LONRF1: variants seen among roughly 807,000 people sequenced by gnomAD.
The protein encoded by LONRF1 is LON peptidase N-terminal domain and ring finger 1, also known as LON peptidase N-terminal domain and RING finger protein 1.
LONRF1 carries 37 observed loss-of-function variants against 85.8 expected under a neutral mutation model. The ratio of observed to expected loss-of-function variants is 0.43; its 90% CI spans 0.33 to 0.57. LONRF1 has a LOEUF of 0.57. Ranked by LOEUF, LONRF1 falls within the 20% of genes least tolerant of loss-of-function variation. LONRF1 has a pLI of 0.04. For missense variants in LONRF1, 1,036 were observed against 978.0 expected (o/e 1.06, Z -0.79); for synonymous variants, 517 against 390.1 (o/e 1.33, Z -3.83).
At chr8:12,742,575 G>A (rs1798979292) in intron 2 of LONRF1, among the ~76,000 whole-genome samples, 1 of 152,058 alleles carries the variant, frequency 6.6e-6, no homozygotes, top group Non-Finnish European at 1.5e-5. Flanking sequence ...AGTCCAGTTT[G>A]TATCCATCTT....
rs1798739214 is a variant in LONRF1, at chr8:12,736,912, T to C, written c.1342A>G (p.Lys448Glu). Residue 448 changes from lysine to glutamate, a missense_variant, in exon 5 of 12, where the codon AAA (lysine) becomes GAA (glutamate). By Grantham distance (56) the Lys-to-Glu change is moderately conservative (BLOSUM62 1). Coordinates refer to ENST00000398246, the MANE Select transcript of LONRF1 (RefSeq NM_152271.5). ...GCAAAATTTTTACCTCCTTGTTTTT[T>C]CAGCTTATTTCTTCCATCTTCATTT... ...IVNEDGRNKLKKQGETPNEVC... is the reference protein window; with the variant it reads ...IVNEDGRNKLEKQGETPNEVC... 1 of 1,607,544 alleles carries C rather than the reference T, an allele frequency of 6.2e-7. No individual in the cohort carries two copies.
At chr8:12,751,432 T>C (rs1404606371) in intron 1 of LONRF1, among the ~76,000 whole-genome samples, 4 of 149,784 alleles carry the variant, frequency 2.7e-5, no homozygotes, top group Non-Finnish European at 4.4e-5. Context: ...GCCTCTGGAG[T>C]AGCGGGAACT....
chr8:12,753,275 G>A (rs866068426), intron 1 of LONRF1: 1 of 152,162 alleles, frequency 6.6e-6, no homozygotes, highest in East Asian at 1.9e-4. Flanking sequence ...AGTTCAATAT[G>A]ACTAAGCACT....
Position 12,754,689 on chromosome 8 carries a change from C to G in LONRF1, c.721+11G>C. On this transcript the variant is annotated intron_variant, in intron 1 of 11. Coordinates refer to ENST00000398246, the MANE Select transcript of LONRF1 (RefSeq NM_152271.5). ...GGTCGGCCCGGCCCCGCCGCATCCC[C>G]GCGCGGTCACCTGCTCGCAGCGCCT... The G allele has an allele frequency of 7.5e-7, 1 of 1,339,900 alleles. No individual in the cohort carries two copies. Among genetic ancestry groups the G allele is most frequent in the Non-Finnish European group, 9.5e-7 (1 of 1,055,606 alleles). 83.0% of individuals were successfully genotyped at this position (1,339,900 alleles called of 1,614,324 possible).
intron 3 of LONRF1, 97 bp downstream of exon 3, chr8:12,740,777 T>C (rs1798902240): frequency 7.0e-7 from 1 of 1,421,034 alleles, no homozygotes; most frequent in African/African-American, 1.4e-5. Context: ...ATTTATTTAC[T>C]ACTTATGTTC....
At chr8:12,728,753 A>C (rs1563136419) in intron 10 of LONRF1, 148 bp downstream of exon 10, 9 of 801,212 alleles carry the variant, frequency 1.1e-5, no homozygotes, top group Non-Finnish European at 1.8e-5. Flanking sequence ...CAAGATACGA[A>C]AAAGGTAACT....
chr8:12,726,634 T>C (rs1474723885), intron 10 of LONRF1, among the ~76,000 whole-genome samples: 1 of 152,208 alleles, frequency 6.6e-6, no homozygotes, highest in Non-Finnish European at 1.5e-5. Flanking sequence ...ATCCATCTTA[T>C]ACTGATTTCT....
chr8:12,727,587 G>GTA (rs1798368274), intron 10 of LONRF1, among the ~76,000 whole-genome samples: 1 of 152,034 alleles, frequency 6.6e-6, no homozygotes, highest in Non-Finnish European at 1.5e-5. Flanking sequence ...ATGTTTGTAA[G>GTA]TATTAATACA....
At chr8:12,754,562 G>C in intron 1 of LONRF1, 138 bp downstream of exon 1, 8 of 842,012 alleles carry the variant, frequency 9.5e-6, no homozygotes, top group East Asian at 1.1e-4. Flanking sequence ...CCAGCACCCC[G>C]AGACCCGACA....
At chr8:12,742,466 T>C (rs1798974217) in intron 2 of LONRF1, among the ~76,000 whole-genome samples, 1 of 152,218 alleles carries the variant, frequency 6.6e-6, no homozygotes, top group Non-Finnish European at 1.5e-5. Context: ...ATCTTCTGAA[T>C]TAAATCACTG....
chr8:12,729,145 A>G, intron 9 of LONRF1, 29 bp downstream of exon 9: 2 of 1,613,218 alleles, frequency 1.2e-6, no homozygotes, highest in Non-Finnish European at 1.7e-6. Context: ...TAACATAAAT[A>G]CAAATATTTA....
At chr8:12,731,590 A>T in intron 8 of LONRF1, 146 bp downstream of exon 8, 1 of 628,670 alleles carries the variant, frequency 1.6e-6, no homozygotes, top group South Asian at 2.6e-5. Context: ...CTTTTATAAG[A>T]TTCTGTCTGT....
At chr8:12,730,556 G>C (rs994981127) in intron 8 of LONRF1, among the ~76,000 whole-genome samples, 2 of 152,046 alleles carry the variant, frequency 1.3e-5, no homozygotes, top group South Asian at 4.2e-4. Context: ...CTCTCTGTGT[G>C]TCTCCCTCCT....
intron 11 of LONRF1, among the ~76,000 whole-genome samples, chr8:12,725,053 T>A (rs1798235076): frequency 6.6e-6 from 1 of 152,232 alleles, no homozygotes; most frequent in Admixed American, 6.5e-5. Flanking sequence ...CTACGATGCC[T>A]AAAACGTAGT....
chr8:12,752,555 C>T (rs1177628860), intron 1 of LONRF1, among the ~76,000 whole-genome samples: 1 of 152,048 alleles, frequency 6.6e-6, no homozygotes, highest in Non-Finnish European at 1.5e-5. Flanking sequence ...TCTATTCCTG[C>T]AAAAGTAGAA....
intron 8 of LONRF1, among the ~76,000 whole-genome samples, chr8:12,730,497 T>C (rs1798487538): frequency 6.6e-6 from 1 of 152,176 alleles, no homozygotes; most frequent in Admixed American, 6.5e-5. Flanking sequence ...AACAGCCCCA[T>C]TAGTAAGCAG....
chr8:12,730,009 T>TA (rs1162703231), intron 8 of LONRF1, among the ~76,000 whole-genome samples: 1 of 152,152 alleles, frequency 6.6e-6, no homozygotes, highest in South Asian at 2.1e-4. Flanking sequence ...GCAGAAACCT[T>TA]ACGTTGTTGG....
At chr8:12,727,021 C>A (rs1165470384) in intron 10 of LONRF1, among the ~76,000 whole-genome samples, 2 of 150,226 alleles carry the variant, frequency 1.3e-5, no homozygotes, top group African/African-American at 4.9e-5. Context: ...AGGAGCCACA[C>A]AATTGAAGAA....
chr8:12,748,934 T>C (rs1346313235), intron 1 of LONRF1, among the ~76,000 whole-genome samples: 1 of 152,106 alleles, frequency 6.6e-6, no homozygotes, highest in East Asian at 1.9e-4. Context: ...GAGTAGGAGT[T>C]TGGGATAGTA....
Sources: gnomAD v4.1 joint callset for allele counts (sites outside exome capture counted in the v4.1 genomes callset) on GRCh38, gnomAD v4.1.1 for gene constraint, MANE v1.5 for transcripts, NCBI Gene and HGNC (gene_info 2026-07-23, HGNC 2026-07-21) for gene names.